Variants in KLHL1 observed in about 807,000 individuals in gnomAD.
The protein encoded by KLHL1 is kelch-like protein 1.
A neutral mutation model predicts 77.7 loss-of-function variants in KLHL1; 47 were observed. The observed-to-expected ratio is 0.60, with a 90% CI of 0.48 to 0.77. The LOEUF is 0.77. KLHL1 is among the 30% of genes least tolerant of loss of function. KLHL1 has a pLI of 0.00. For synonymous variants in KLHL1, 360 were observed against 325.2 expected, an observed-to-expected ratio of 1.11 and a Z score of -1.15; for missense variants, 925 against 910.8, an observed-to-expected ratio of 1.02 and a Z score of -0.20.
At chr13:70,098,824 C>A (rs978703299) in intron 1 of KLHL1, among the ~76,000 whole-genome samples, 2 of 151,474 alleles carry the variant, frequency 1.3e-5, no homozygotes, top group African/African-American at 4.8e-5. Flanking sequence ...AATTGCTGAT[C>A]ATCTCTTCTT....
intron 1 of KLHL1, among the ~76,000 whole-genome samples, chr13:70,061,357 C>A (rs967178368): frequency 1.3e-5 from 2 of 149,364 alleles, no homozygotes; most frequent in African/African-American, 4.9e-5. Context: ...TTTTTTCTGA[C>A]TAGTAACATG....
chr13:70,037,899 C>T (rs1886278808), intron 1 of KLHL1, among the ~76,000 whole-genome samples: 1 of 152,062 alleles, frequency 6.6e-6, no homozygotes, highest in African/African-American at 2.4e-5. Context: ...GTATAATTCC[C>T]TTTTACCACT....
chr13:69,882,225 T>G, intron 5 of KLHL1, 58 bp downstream of exon 5: 1 of 1,202,936 alleles, frequency 8.3e-7, no homozygotes, highest in Non-Finnish European at 1.2e-6. Context: ...GATGTTTACT[T>G]TTAATATAGG....
chr13:69,845,604 C>A (rs537280598), intron 5 of KLHL1, among the ~76,000 whole-genome samples: 2 of 151,504 alleles, frequency 1.3e-5, no homozygotes, highest in African/African-American at 4.8e-5. Context: ...TGTATTGTTT[C>A]TATATACCTG....
intron 1 of KLHL1, among the ~76,000 whole-genome samples, chr13:69,982,289 A>T (rs1367474587): frequency 1.3e-5 from 2 of 151,610 alleles, no homozygotes; most frequent in African/African-American, 4.8e-5. Flanking sequence ...CTAAAAAATT[A>T]GCCAGGCATG....
At position 69,796,871 on chromosome 13, in the gene KLHL1, A is replaced by G; in HGVS notation, c.1506T>C (p.Ala502=). 4 of 1,614,142 alleles carry G rather than the reference A, an allele frequency of 2.5e-6. No individual in the cohort carries two copies. Among genetic ancestry groups the G allele is most frequent in the Non-Finnish European group, 2.5e-6 (3 of 1,180,010 alleles). ...TTACAAAGAGTTTGTCATCAATAAC[A>G]GCCACACCAAACTGCAGCCTTCTGC... is the stretch of plus-strand genomic sequence containing the variant. The part of the protein sequence containing the change: ...MNGRRLQFGV[A]VIDDKLFVIG... The change falls in exon 7 of 11, where the codon GCT becomes GCC. Residue 502 remains alanine, a synonymous_variant. Transcript: ENST00000377844.
chr13:69,856,250 C>A (rs1011444975), intron 5 of KLHL1, among the ~76,000 whole-genome samples: 4 of 151,854 alleles, frequency 2.6e-5, no homozygotes, highest in East Asian at 1.9e-4. Context: ...ATAGTCACTG[C>A]CCATTCTAAA....
At chr13:69,748,120 A>C (rs1319087214) in intron 7 of KLHL1, among the ~76,000 whole-genome samples, 1 of 152,028 alleles carries the variant, frequency 6.6e-6, no homozygotes, top group Non-Finnish European at 1.5e-5. Context: ...AAAGATTTAT[A>C]TATTACTATC....
chr13:69,707,748 C>T lies in KLHL1; in HGVS notation c.2064G>A (p.Met688Ile), dbSNP rs1042309602. ...DTWTMVAPLS[M>I]PRDAVGVCLL... is the part of the protein sequence containing the mutation. Reference sequence around the variant, plus strand: ...GACAGACCCCAACAGCATCTCTGGGCATACTCAAAGGAGCCACCATGGTCC... The same window carrying T: ...GACAGACCCCAACAGCATCTCTGGGTATACTCAAAGGAGCCACCATGGTCC... Residue 688 changes from methionine (M) to isoleucine (I), a missense_variant, in exon 10 of 11, where the codon ATG becomes ATA. Transcript: ENST00000377844. 6.2e-7 allele frequency: 1 copy of T among 1,612,812 alleles called. No individual in the cohort carries two copies. Among genetic ancestry groups the T allele is most frequent in the Non-Finnish European group, 8.5e-7 (1 of 1,179,210 alleles).
At chr13:69,704,913 C>G (rs911932495) in intron 10 of KLHL1, among the ~76,000 whole-genome samples, 12 of 151,596 alleles carry the variant, frequency 7.9e-5, no homozygotes, top group African/African-American at 2.7e-4. Context: ...ATCAATATAT[C>G]TTATATATCT....
At position 69,793,965 on chromosome 13, in the gene KLHL1, G is replaced by A. The variant is rs551394800; in HGVS notation, c.1639+2773C>T. Among the ~76,000 whole-genome samples, 15 of 152,224 alleles carry A rather than the reference G, an allele frequency of 9.9e-5. 1 individual carries two copies. The highest frequency in any genetic ancestry group is 3.4e-3 in the Middle Eastern group (1 of 294). ...TGCATGTTTCCTATCCCTCAGTGAT[G>A]ATACATCAGTGTCAGTGCAGAACTT... On this transcript the variant is annotated intron_variant, in intron 7 of 10. Transcript: ENST00000377844.
Position 69,967,602 on chromosome 13 carries a change from A to G in KLHL1, c.681-6158T>C, listed in dbSNP as rs1216824190. ...AAGAAAGGATTTAGAATATTACACA[A>G]CCTGGTGGGGCGTTGTGGCTCACGC... On this transcript the variant is annotated intron_variant, in intron 2 of 10. Transcript: ENST00000377844. Among the ~76,000 whole-genome samples, 5 of 152,306 alleles carry G rather than the reference A, an allele frequency of 3.3e-5. No homozygotes were observed. In the East Asian group the frequency reaches 9.7e-4, roughly 29 times the overall value.
chr13:69,745,514 A>G (rs1251190717), intron 7 of KLHL1, among the ~76,000 whole-genome samples: 1 of 151,928 alleles, frequency 6.6e-6, no homozygotes, highest in Admixed American at 6.6e-5. Context: ...TTTAGGAAAA[A>G]GATGTTACTG....
chr13:69,896,183 C>G (rs1384107053), intron 4 of KLHL1, among the ~76,000 whole-genome samples: 1 of 152,112 alleles, frequency 6.6e-6, no homozygotes, highest in Non-Finnish European at 1.5e-5. Flanking sequence ...ACAGCAATGG[C>G]AGGTTGAATT....
chr13:69,860,099 T>C (rs1880077208), intron 5 of KLHL1, among the ~76,000 whole-genome samples: 1 of 152,064 alleles, frequency 6.6e-6, no homozygotes, highest in Admixed American at 6.6e-5. Flanking sequence ...TGATATAAAT[T>C]TTGACTTAAT....
intron 3 of KLHL1, among the ~76,000 whole-genome samples, chr13:69,945,466 A>G (rs558136337): frequency 1.8e-4 from 27 of 152,038 alleles, no homozygotes; most frequent in Middle Eastern, 6.8e-3. Context: ...AAGAAAGAAA[A>G]AAAAAAAGCC....
chr13:70,016,192 T>C (rs1048546465), intron 1 of KLHL1, among the ~76,000 whole-genome samples: 1 of 152,218 alleles, frequency 6.6e-6, no homozygotes, highest in African/African-American at 2.4e-5. Flanking sequence ...TCTCCAATAG[T>C]TCTCCAATTT....
At chr13:70,001,657 T>TTATC (rs71116972) in intron 1 of KLHL1, among the ~76,000 whole-genome samples, 67,533 of 145,156 alleles carry the variant, frequency 0.47, 15,755 homozygotes, top group East Asian at 0.55. Context: ...TATCTATCTA[T>TTATC]TATCTATCTA....
At chr13:69,709,604 A>G (rs2137877057) in intron 9 of KLHL1, among the ~76,000 whole-genome samples, 1 of 152,072 alleles carries the variant, frequency 6.6e-6, no homozygotes, top group South Asian at 2.1e-4. Context: ...TTAATAAGCA[A>G]TTATTGAAGT....
Sources: allele counts gnomAD v4.1 joint callset (sites outside exome capture counted in the v4.1 genomes callset), GRCh38; gene constraint gnomAD v4.1.1; transcripts MANE v1.5; gene names NCBI Gene and HGNC (gene_info 2026-07-23, HGNC 2026-07-21).